ZNF618: variants seen among roughly 807,000 people sequenced by gnomAD.
The protein encoded by ZNF618 is zinc finger protein 618.
Under a neutral mutation model 103.0 loss-of-function variants are expected in ZNF618, and 34 were observed. The observed-to-expected ratio is 0.33, with a 90% CI of 0.25 to 0.44. The LOEUF is 0.44. ZNF618 is among the 20% of genes least tolerant of loss of function. ZNF618 has a pLI of 1.00. For missense variants in ZNF618, 1,059 were observed against 1,295.4 expected (o/e 0.82, Z 2.80); for synonymous variants, 551 against 542.2 (o/e 1.02, Z -0.23).
chr9:113,964,715 AAAAAG>A (rs1442532998), intron 1 of ZNF618, among the ~76,000 whole-genome samples: 2 of 151,956 alleles, frequency 1.3e-5, no homozygotes, highest in Admixed American at 6.5e-5. Context: ...AAAAAAGGAA[AAAAAG>A]AAAAGAGCAA....
Position 113,890,652 on chromosome 9 carries a change from T to A in ZNF618, c.33+14239T>A, listed in dbSNP as rs1300684716. On this transcript the variant is annotated intron_variant, in intron 1 of 14. Coordinates refer to ENST00000374126, the MANE Select transcript of ZNF618 (RefSeq NM_001318042.2). ...TGGAAAGCTGACTGCAGGACCATGG[T>A]GGATTTTTATTCTACATGTAGACAG... 2.6e-5 allele frequency among the ~76,000 whole-genome samples: 4 copies of A among 152,318 alleles called. No individual in the cohort carries two copies. In the East Asian group the frequency reaches 7.7e-4, roughly 29 times the overall value.
At chr9:113,889,337 C>CTCTCTCTCTCTCTCTCTT (rs1554718021) in intron 1 of ZNF618, among the ~76,000 whole-genome samples, 2 of 150,762 alleles carry the variant, frequency 1.3e-5, no homozygotes, top group Admixed American at 6.8e-5. Flanking sequence ...CTCTCTCTCT[C>CTCTCTCTCTCTCTCTCTT]TCTCTCTCTT....
intron 11 of ZNF618, among the ~76,000 whole-genome samples, chr9:114,031,416 G>T (rs967025165): frequency 7.2e-5 from 11 of 152,348 alleles, no homozygotes; most frequent in South Asian, 4.1e-4. Context: ...ACAGTGGGAT[G>T]ACAGGGGTCG....
At chr9:113,904,766 C>T (rs1830839057) in intron 1 of ZNF618, among the ~76,000 whole-genome samples, 1 of 152,172 alleles carries the variant, frequency 6.6e-6, no homozygotes, top group Non-Finnish European at 1.5e-5. Flanking sequence ...CACTCTTTGG[C>T]CCATGGCTTC....
In ZNF618 at chr9:113,929,269, G is replaced by A. The variant is rs187259139; in HGVS notation, c.34-39848G>A. Among the ~76,000 whole-genome samples the A allele has an allele frequency of 1.6e-3, 237 of 152,282 alleles. 5 individuals are homozygous for A. Among genetic ancestry groups the A allele is most frequent in the Admixed American group, 0.013 (206 of 15,300 alleles). On this transcript the variant is annotated intron_variant, in intron 1 of 14. Transcript: ENST00000374126. ...CAGCTAAGTCAGTTACTGTTTAAACGTTCCTACCAGTTACCAGCCCCAGCC... is the reference window on the plus strand; with the variant it reads ...CAGCTAAGTCAGTTACTGTTTAAACATTCCTACCAGTTACCAGCCCCAGCC...
intron 2 of ZNF618, among the ~76,000 whole-genome samples, chr9:113,987,008 G>C (rs1404933164): frequency 1.3e-5 from 2 of 152,202 alleles, no homozygotes; most frequent in African/African-American, 4.8e-5. Context: ...TGGCCCTGCT[G>C]TGCTGCAGTT....
rs1842676718 is a variant in ZNF618, at chr9:114,016,780, C to T, written c.840C>T (p.Pro280=). 2.5e-6 allele frequency: 4 copies of T among 1,612,440 alleles called. No individual in the cohort carries two copies. Among genetic ancestry groups the T allele is most frequent in the South Asian group, 1.1e-5 (1 of 90,664 alleles). The part of the protein sequence containing the change: ...PYQEHVALHA[P]ISTAPGWEPP... ...AGGAGCATGTGGCCTTACACGCCCC[C>T]ATCAGTGAGTACCTCCTCCCGGTAG... The change falls in exon 10 of 15, where the codon CCC becomes CCT. Residue 280 remains proline (P), a synonymous_variant. Transcript: ENST00000374126.
chr9:113,947,788 A>T (rs567208431), intron 1 of ZNF618, among the ~76,000 whole-genome samples: 1 of 152,348 alleles, frequency 6.6e-6, no homozygotes, highest in African/African-American at 2.4e-5. Flanking sequence ...CTCAACTAGA[A>T]AAACAAGTGC....
rs369993732 is a variant in ZNF618, at chr9:113,902,950, T to C, written c.33+26537T>C. ...AAACTGCAATGAACATCCTTGTACATGTTTCCACATGGACCCCTGGGAGGC... is the reference window on the plus strand; with the variant it reads ...AAACTGCAATGAACATCCTTGTACACGTTTCCACATGGACCCCTGGGAGGC... On this transcript the variant is annotated intron_variant, in intron 1 of 14. Transcript: ENST00000374126. Among the ~76,000 whole-genome samples, 45 of 152,328 alleles carry C rather than the reference T, an allele frequency of 3.0e-4. No homozygotes were observed. The East Asian group carries it at 7.5e-3, about 25-fold the overall frequency.
intron 1 of ZNF618, among the ~76,000 whole-genome samples, chr9:113,898,748 T>C (rs539835913): frequency 3.4e-4 from 52 of 152,254 alleles, no homozygotes; most frequent in African/African-American, 1.1e-3. Context: ...TGTTACACAT[T>C]TATAGATCAG....
chr9:113,944,508 G>T (rs1213291553), intron 1 of ZNF618, among the ~76,000 whole-genome samples: 1 of 152,056 alleles, frequency 6.6e-6, no homozygotes, highest in Non-Finnish European at 1.5e-5. Context: ...TGAACTCCTG[G>T]CCTCTAGTGA....
chr9:113,988,671 C>T, intron 3 of ZNF618, 91 bp downstream of exon 3: 3 of 1,461,682 alleles, frequency 2.1e-6, no homozygotes, highest in African/African-American at 2.8e-5. Context: ...GCCTCTGCCC[C>T]CTTCCTGGCT....
Position 114,048,654 on chromosome 9 carries a change from C to T in ZNF618, c.1352C>T (p.Thr451Ile). The stretch of plus-strand genomic sequence containing the variant: ...CTGTCTTTGTGTCCTCTGCCAGCCA[C>T]TACCAGTGGTTTAACACCCAACAGC... ...QAQRNSANNT[T>I]TSGLTPNSMI... Residue 451 changes from threonine (T) to isoleucine (I), a missense_variant, in exon 15 of 15, where the codon ACT (threonine) becomes ATT (isoleucine). Physicochemically the swap from Thr to Ile is moderately conservative, Grantham distance 89 (BLOSUM62 -1). Around this residue, in one of 6 missense-constraint regions of ZNF618, gnomAD observed 434 missense variants for 476.0 expected, o/e 0.91. Coordinates refer to ENST00000374126, the MANE Select transcript of ZNF618 (RefSeq NM_001318042.2). 2 of 1,608,638 alleles carry T rather than the reference C, an allele frequency of 1.2e-6. No individual in the cohort carries two copies. Among genetic ancestry groups the T allele is most frequent in the South Asian group, 2.2e-5 (2 of 90,596 alleles).
intron 1 of ZNF618, among the ~76,000 whole-genome samples, chr9:113,961,833 A>C (rs973755603): frequency 2.0e-5 from 3 of 152,190 alleles, no homozygotes; most frequent in African/African-American, 4.8e-5. Context: ...TAAATGCTGG[A>C]GCTGCCTGTG....
Position 114,049,313 on chromosome 9 carries a change from C to G in ZNF618, c.2011C>G (p.Leu671Val). The part of the protein sequence containing the change: ...VIELLNVCED[L>V]AGSTGLAKET... ...CGAGCTGCTCAACGTGTGCGAGGAC[C>G]TGGCGGGCTCCACGGGCCTGGCCAA... Residue 671 changes from leucine to valine, a missense_variant, in exon 15 of 15, where the codon CTG becomes GTG. Leu to Val is a conservative substitution (Grantham distance 32). This residue lies in a region of ZNF618 where 272 missense variants were observed against 380.1 expected (regional missense o/e 0.72). Coordinates refer to ENST00000374126, the MANE Select transcript of ZNF618 (RefSeq NM_001318042.2). The G allele has an allele frequency of 6.2e-7, 1 of 1,611,784 alleles. No homozygotes were observed. The highest frequency in any genetic ancestry group is 8.5e-7 in the Non-Finnish European group (1 of 1,179,638).
Position 113,900,501 on chromosome 9 carries a change from A to G in ZNF618, c.33+24088A>G, listed in dbSNP as rs192663239. 9.5e-4 allele frequency among the ~76,000 whole-genome samples: 145 copies of G among 152,300 alleles called. 1 individual carries two copies. Among genetic ancestry groups the G allele is most frequent in the African/African-American group, 2.9e-3 (119 of 41,540 alleles). On this transcript the variant is annotated intron_variant, in intron 1 of 14. Transcript: ENST00000374126. ...GTAAACAGGCACAGAGAGGAAGGGGAAAAGTGACTTCTTTGAGGTGAGGCA... is the reference window on the plus strand; with the variant it reads ...GTAAACAGGCACAGAGAGGAAGGGGGAAAGTGACTTCTTTGAGGTGAGGCA...
At chr9:114,002,206 C>A (rs1212015428) in intron 5 of ZNF618, 133 bp downstream of exon 5, 13 of 813,508 alleles carry the variant, frequency 1.6e-5, no homozygotes, top group Non-Finnish European at 2.7e-5. Context: ...CTCCTACTTT[C>A]ATCAGTAGGA....
At chr9:113,958,746 G>A (rs1040036712) in intron 1 of ZNF618, among the ~76,000 whole-genome samples, 1 of 152,144 alleles carries the variant, frequency 6.6e-6, no homozygotes, top group East Asian at 1.9e-4. Context: ...TTTGCTTGCT[G>A]GTCCCTGGGA....
chr9:113,987,791 T>A (rs767423180), intron 2 of ZNF618, among the ~76,000 whole-genome samples: 9 of 152,104 alleles, frequency 5.9e-5, no homozygotes, highest in South Asian at 4.1e-4. Flanking sequence ...CCCAGGAGTT[T>A]GTTTGTGTTC....
Sources: gnomAD v4.1 joint callset for allele counts (sites outside exome capture counted in the v4.1 genomes callset) on GRCh38, gnomAD v4.1.1 for gene constraint, gnomAD v4.1.1 regional missense constraint, MANE v1.5 for transcripts, NCBI Gene and HGNC (gene_info 2026-07-23, HGNC 2026-07-21) for gene names.